SEC13: variants seen among roughly 807,000 people sequenced by gnomAD.
The protein encoded by SEC13 is SEC13 homolog, nuclear pore and COPII component.
SEC13 carries 25 observed loss-of-function variants against 49.2 expected under a neutral mutation model. The ratio of observed to expected loss-of-function variants is 0.51; its 90% CI spans 0.37 to 0.71. The LOEUF (loss-of-function observed/expected upper bound fraction) is 0.71, where lower values mean the gene tolerates loss of function less well. SEC13 is among the 30% of genes least tolerant of loss of function. The pLI, the probability that SEC13 is intolerant of heterozygous loss-of-function variation, is 0.00. For synonymous variants in SEC13, 148 were observed against 163.9 expected (o/e 0.90, Z 0.74); for missense variants, 383 against 417.6 (o/e 0.92, Z 0.72).
At chr3:10,315,255 G>T (rs899190092) in intron 3 of SEC13, 66 bp downstream of exon 3, 16 of 1,187,776 alleles carry the variant, frequency 1.3e-5, no homozygotes, top group Non-Finnish European at 1.9e-5. Flanking sequence ...TTGCTCCCAC[G>T]CTTGAAGCAG....
rs59597503 is a variant in SEC13, at chr3:10,307,972, C to G, written c.451-2280G>C. ...ATTTTAGTTGTGTGACTTGTATCCTCTAGTAGATTTCTCAGGAAGGGCTCC... is the reference window on the plus strand; with the variant it reads ...ATTTTAGTTGTGTGACTTGTATCCTGTAGTAGATTTCTCAGGAAGGGCTCC... On this transcript the variant is annotated intron_variant, in intron 5 of 8. Coordinates refer to ENST00000350697, the MANE Select transcript of SEC13 (RefSeq NM_183352.3). Among the ~76,000 whole-genome samples the G allele has an allele frequency of 9.2e-3, 1,394 of 152,310 alleles. 12 individuals are homozygous for G. The highest frequency in any genetic ancestry group is 0.041 in the Middle Eastern group (12 of 294).
chr3:10,307,177 C>A (rs1204715326), intron 5 of SEC13, among the ~76,000 whole-genome samples: 1 of 151,412 alleles, frequency 6.6e-6, no homozygotes, highest in Admixed American at 6.6e-5. Context: ...ACCTCAGACT[C>A]CCAAAGTACT....
In SEC13 at chr3:10,306,181, A is replaced by G. The variant is rs919314339; in HGVS notation, c.451-489T>C. 3.3e-5 allele frequency among the ~76,000 whole-genome samples: 5 copies of G among 152,210 alleles called. No homozygotes were observed. In the East Asian group the frequency reaches 5.8e-4, roughly 18 times the overall value. ...TAGATACTATAGTTTAGTCTTGTCC[A>G]TTAAACATTTTTTTGGATGTTTTTT... On this transcript the variant is annotated intron_variant, in intron 5 of 8. Transcript: ENST00000350697.
rs751359751 is a variant in SEC13 at position 10,304,080 on chromosome 3, A to G, written c.801T>C (p.His267=). 8.1e-6 allele frequency: 13 copies of G among 1,614,046 alleles called. No individual in the cohort carries two copies. Among genetic ancestry groups the G allele is most frequent in the South Asian group, 2.2e-5 (2 of 91,092 alleles). The change falls in exon 8 of 9, where the codon CAT becomes CAC. Residue 267 remains histidine, a synonymous_variant. Transcript: ENST00000350697. ...TGTTGGCTGTGATGGACCAGCTCAC[A>G]TGCCACACCACATCGTTGAACTTGT... is the stretch of plus-strand genomic sequence containing the variant. ...LLHKFNDVVW[H]VSWSITANIL...
intron 5 of SEC13, chr3:10,311,709 CAGTG>C: frequency 7.4e-7 from 1 of 1,357,132 alleles, no homozygotes; most frequent in African/African-American, 1.5e-5. Context: ...GCTAAGGTGG[CAGTG>C]AGCAGGCTGC....
chr3:10,310,408 T>C (rs568665976), intron 5 of SEC13, among the ~76,000 whole-genome samples: 79 of 152,212 alleles, frequency 5.2e-4, no homozygotes, highest in African/African-American at 1.8e-3. Context: ...TGAGAATTGC[T>C]TGAACCTGGG....
chr3:10,309,178 T>C (rs1038011048), intron 5 of SEC13, among the ~76,000 whole-genome samples: 3 of 151,700 alleles, frequency 2.0e-5, no homozygotes, highest in Admixed American at 2.0e-4. Flanking sequence ...CTTCAGGTGA[T>C]CCGCCCACCT....
intron 5 of SEC13, among the ~76,000 whole-genome samples, chr3:10,308,494 T>C (rs984246992): frequency 6.6e-6 from 1 of 152,256 alleles, no homozygotes; most frequent in Non-Finnish European, 1.5e-5. Context: ...GTGGACTATT[T>C]CCAGTTTTTG....
At chr3:10,303,967 G>T in intron 8 of SEC13, 59 bp downstream of exon 8, 3 of 1,595,406 alleles carry the variant, frequency 1.9e-6, no homozygotes, top group Non-Finnish European at 2.6e-6. Flanking sequence ...GCCCTCTCTA[G>T]TGGGCGGGGT....
intron 1 of SEC13, 192 bp downstream of exon 1, chr3:10,320,858 T>G: frequency 2.3e-6 from 3 of 1,304,088 alleles, no homozygotes; most frequent in South Asian, 2.3e-5. Context: ...TCAGGGAGGT[T>G]CCTCGGCCTC....
At chr3:10,312,141 G>A (rs571107423) in intron 4 of SEC13, 43 bp from the exon 5 acceptor site, 4 of 1,544,990 alleles carry the variant, frequency 2.6e-6, no homozygotes, top group East Asian at 2.4e-5. Flanking sequence ...CAGGGAGACC[G>A]CGGCCCCAGG....
At position 10,307,613 on chromosome 3, in the gene SEC13, C is replaced by T. The variant is rs184732300; in HGVS notation, c.451-1921G>A. On this transcript the variant is annotated intron_variant, in intron 5 of 8. Coordinates refer to ENST00000350697, the MANE Select transcript of SEC13 (RefSeq NM_183352.3). ...GCAGGTGAACTCCCCTTCATAAAAC[C>T]ATCAGATCTTGTGAGACTTATTCAC... Among the ~76,000 whole-genome samples, 685 of 152,212 alleles carry T rather than the reference C, an allele frequency of 4.5e-3. 6 individuals carry two copies. Among genetic ancestry groups the T allele is most frequent in the African/African-American group, 0.016 (657 of 41,526 alleles).
chr3:10,311,666 T>C lies in SEC13; in HGVS notation c.450+299A>G. 2.3e-6 allele frequency: 3 copies of C among 1,282,112 alleles called. No homozygotes were observed. The South Asian group carries it at 5.2e-5, about 22-fold the overall frequency. The allele number at this position is 1,282,112 out of a possible 1,614,324, so 79.4% of individuals were successfully genotyped here. A position where few individuals can be genotyped will look rare whatever the true frequency, so the allele number is the denominator to read the frequency against. The stretch of plus-strand genomic sequence containing the variant: ...CTCCATTCTACAGGGTCCCAATGAC[T>C]ACTGCAGGGCATGTCACCTGGAGGC... On this transcript the variant is annotated intron_variant, in intron 5 of 8. Coordinates refer to ENST00000350697, the MANE Select transcript of SEC13 (RefSeq NM_183352.3).
intron 5 of SEC13, 121 bp downstream of exon 5, chr3:10,311,844 C>A: frequency 6.3e-7 from 1 of 1,587,932 alleles, no homozygotes; most frequent in Non-Finnish European, 8.6e-7. Flanking sequence ...GTCTGGTCAG[C>A]TGACCACTCC....
chr3:10,305,219 ACCCAACAGGCTCTGC>A, intron 6 of SEC13, 63 bp from the exon 7 acceptor site: 1 of 1,537,880 alleles, frequency 6.5e-7, no homozygotes, highest in Non-Finnish European at 8.8e-7. Context: ...CTCCTCCCCA[ACCCAACAGGCTCTGC>A]CTGGGGTGGA....
rs1379170108 is a variant in SEC13, at chr3:10,301,440, T to C, written c.856-66A>G. On this transcript the variant is annotated intron_variant, in intron 8 of 8. Transcript: ENST00000350697. The stretch of plus-strand genomic sequence containing the variant: ...CCTTCCCTCTGCTGTCCCCTAAATA[T>C]GAGCCTCATCCTCATCAAGAACCAC... 3 of 1,597,196 alleles carry C rather than the reference T, an allele frequency of 1.9e-6. No individual in the cohort carries two copies. In the East Asian group the frequency reaches 6.8e-5, roughly 36 times the overall value.
In SEC13 at chr3:10,321,059, G is replaced by T. The variant is rs577039396; in HGVS notation, c.-7C>A. On this transcript the variant is annotated 5_prime_UTR_variant, in exon 1 of 9. Transcript: ENST00000350697. This position sits in a 1 kb window ranked among gnomAD's most constrained non-coding sequence, Gnocchi z 4.1. ...CAGTACCAACACTCACCATGATTGCGGCGGTGGCTGCTCCAGGTCTCGGAC... is the reference window on the plus strand; with the variant it reads ...CAGTACCAACACTCACCATGATTGCTGCGGTGGCTGCTCCAGGTCTCGGAC... The T allele has an allele frequency of 3.1e-6, 5 of 1,613,246 alleles. No individual in the cohort carries two copies. The highest frequency in any genetic ancestry group is 1.7e-4 in the Middle Eastern group (1 of 6,060).
chr3:10,300,936 A>T lies in SEC13; in HGVS notation c.*325T>A. 1.3e-6 allele frequency: 1 copy of T among 788,516 alleles called. No homozygotes were observed. Among genetic ancestry groups the T allele is most frequent in the Admixed American group, 2.4e-5 (1 of 41,080 alleles). 48.8% of individuals were successfully genotyped at this position (788,516 alleles called of 1,614,324 possible). A position where few individuals can be genotyped will look rare whatever the true frequency, so the allele number is the denominator to read the frequency against. On this transcript the variant is annotated 3_prime_UTR_variant, in exon 9 of 9. Transcript: ENST00000350697. ...TTAGGATAACGCAGCAGGAATTATA[A>T]GCAATATGACTTTATTTAGTTCCTT... is the stretch of plus-strand genomic sequence containing the variant.
At chr3:10,319,170 G>A (rs1467270227) in intron 1 of SEC13, 8 of 1,613,468 alleles carry the variant, frequency 5.0e-6, no homozygotes, top group Non-Finnish European at 6.8e-6. Context: ...TCCAGCACAA[G>A]CCCTGTAGGT....
Sources: gnomAD v4.1 joint callset for allele counts (sites outside exome capture counted in the v4.1 genomes callset) on GRCh38, gnomAD v4.1.1 for gene constraint, Gnocchi (gnomAD v3.1) non-coding constraint, MANE v1.5 for transcripts, NCBI Gene and HGNC (gene_info 2026-07-23, HGNC 2026-07-21) for gene names.